Variants in ZSCAN5A observed in about 807,000 individuals in gnomAD.
ZSCAN5A encodes zinc finger and SCAN domain-containing protein 5A.
In ZSCAN5A, 12 loss-of-function variants were observed where a neutral mutation model predicts 23.7. The ratio of observed to expected loss-of-function variants is 0.51; its 90% CI spans 0.32 to 0.82. The LOEUF (loss-of-function observed/expected upper bound fraction) is 0.82, where lower values mean the gene tolerates loss of function less well. Ranked by LOEUF, ZSCAN5A falls within the 40% of genes least tolerant of loss-of-function variation. The pLI is 0.03. For missense variants in ZSCAN5A, 597 were observed against 617.9 expected (o/e 0.97, Z 0.36); for synonymous variants, 257 against 239.9 (o/e 1.07, Z -0.66).
At chr19:56,293,043 AC>A (rs1163617734) in intron 2 of ZSCAN5A, among the ~76,000 whole-genome samples, 1 of 151,816 alleles carries the variant, frequency 6.6e-6, no homozygotes, top group East Asian at 1.9e-4. Flanking sequence ...AGCCATCTAA[AC>A]CCCAGTTCTG....
chr19:56,222,612 G>T lies in ZSCAN5A; in HGVS notation c.718C>A (p.Pro240Thr), dbSNP rs950351225. The T allele has an allele frequency of 6.2e-7, 1 of 1,614,060 alleles. No homozygotes were observed. The highest frequency in any genetic ancestry group is 8.5e-7 in the Non-Finnish European group (1 of 1,180,052). Residue 240 changes from proline to threonine, a missense_variant, in exon 5 of 6, where the codon CCT becomes ACT. By Grantham distance (38) the Pro-to-Thr change is conservative (BLOSUM62 -1). Coordinates refer to ENST00000683990, the MANE Select transcript of ZSCAN5A (RefSeq NM_001322064.3). ...EENPGLTSPE[P>T]QLPKSPTDLV... ...TCACTGGGACTCTTTGGAAGCTGAG[G>T]CTCTGGGGATGTCAGTCCTGGGTTC...
chr19:56,289,051 A>G (rs2039335597), intron 2 of ZSCAN5A, among the ~76,000 whole-genome samples: 1 of 152,172 alleles, frequency 6.6e-6, no homozygotes, highest in Admixed American at 6.5e-5. Context: ...ATTCTGCCAA[A>G]GAATCTAAGC....
At chr19:56,320,522 G>C (rs2041364052) in intron 2 of ZSCAN5A, 5 of 424,786 alleles carry the variant, frequency 1.2e-5, no homozygotes, top group Non-Finnish European at 2.2e-5. Context: ...TGAGGCAGGA[G>C]AATCGCTTGA....
chr19:56,340,264 C>A (rs1600293364), intron 2 of ZSCAN5A, among the ~76,000 whole-genome samples: 2 of 152,084 alleles, frequency 1.3e-5, no homozygotes, highest in East Asian at 3.9e-4. Flanking sequence ...TGAAAGCCCC[C>A]CTATCATCTT....
At chr19:56,259,881 G>A (rs1384778222) in intron 2 of ZSCAN5A, among the ~76,000 whole-genome samples, 2 of 152,250 alleles carry the variant, frequency 1.3e-5, no homozygotes, top group African/African-American at 4.8e-5. Flanking sequence ...GGCTGAGGTG[G>A]AGGCTAGTTT....
chr19:56,223,826 G>A lies in ZSCAN5A; in HGVS notation c.393C>T (p.Val131=), dbSNP rs2033597749. 2 of 1,611,468 alleles carry A rather than the reference G, an allele frequency of 1.2e-6. No homozygotes were observed. Among genetic ancestry groups the A allele is most frequent in the Non-Finnish European group, 1.7e-6 (2 of 1,179,888 alleles). ...NNRRPKKWSV[V]TFHGKEYIVQ... ...CAATATATTCCTTTCCGTGGAAGGT[G>A]ACCACAGACTGTAGAGAGAAAAAAG... is the stretch of plus-strand genomic sequence containing the variant. Residue 131 remains valine, a synonymous_variant, in exon 4 of 6, where the codon GTC becomes GTT. Transcript: ENST00000683990.
At chr19:56,298,714 T>C (rs2040041582) in intron 2 of ZSCAN5A, among the ~76,000 whole-genome samples, 1 of 151,608 alleles carries the variant, frequency 6.6e-6, no homozygotes, top group Non-Finnish European at 1.5e-5. Context: ...TGTAATTAAA[T>C]AGCCTTACCA....
intron 2 of ZSCAN5A, among the ~76,000 whole-genome samples, chr19:56,349,704 CAAAAAAAAAAAAAA>C (rs3059533): frequency 6.5e-5 from 2 of 30,940 alleles, no homozygotes; most frequent in Non-Finnish European, 1.3e-4. Context: ...AACTCCGTCT[CAAAAAAAAAAAAAA>C]AAAAAAAAAA....
At chr19:56,322,619 C>T (rs1484477373) in intron 2 of ZSCAN5A, among the ~76,000 whole-genome samples, 1 of 152,216 alleles carries the variant, frequency 6.6e-6, no homozygotes, top group African/African-American at 2.4e-5. Context: ...ATCTATCTCT[C>T]GCCATCTTGA....
chr19:56,221,435 A>G lies in ZSCAN5A; in HGVS notation c.*140T>C. ...CAGTGGGGAGGACACATATTTACTCAAACATCCTGGCAATTCATATCTAGG... is the reference window on the plus strand; with the variant it reads ...CAGTGGGGAGGACACATATTTACTCGAACATCCTGGCAATTCATATCTAGG... On this transcript the variant is annotated 3_prime_UTR_variant, in exon 6 of 6. Transcript: ENST00000683990. The G allele has an allele frequency of 9.7e-7, 1 of 1,034,252 alleles. No homozygotes were observed. Among genetic ancestry groups the G allele is most frequent in the Admixed American group, 2.7e-5 (1 of 36,834 alleles). 64.1% of individuals were successfully genotyped at this position (1,034,252 alleles called of 1,614,324 possible).
Position 56,223,985 on chromosome 19 carries a change from TC to T in ZSCAN5A, c.385-152del, listed in dbSNP as rs749927391. The T allele has an allele frequency of 1.1e-3, 825 of 750,944 alleles. 1 individual carries two copies. The highest frequency in any genetic ancestry group is 1.5e-3 in the Non-Finnish European group (712 of 476,962). 46.5% of individuals were successfully genotyped at this position (750,944 alleles called of 1,614,324 possible). ...AGAGTCAGCTCTGTGGACACAGCAA[TC>T]CTGTCTGAATTTTTTCCTCTCTAGA... On this transcript the variant is annotated intron_variant, in intron 3 of 5. Transcript: ENST00000683990.
intron 2 of ZSCAN5A, among the ~76,000 whole-genome samples, chr19:56,237,800 C>T (rs1413209678): frequency 6.6e-6 from 1 of 151,898 alleles, no homozygotes; most frequent in Admixed American, 6.6e-5. Flanking sequence ...GCCTGTATTC[C>T]CAGCTGCTTG....
chr19:56,271,155 A>G (rs2037821004), intron 2 of ZSCAN5A, among the ~76,000 whole-genome samples: 1 of 152,232 alleles, frequency 6.6e-6, no homozygotes. Flanking sequence ...CGTAGGACTA[A>G]TCAGAGAAAT....
intron 2 of ZSCAN5A, among the ~76,000 whole-genome samples, chr19:56,354,107 T>C (rs2041686580): frequency 6.6e-6 from 1 of 152,066 alleles, no homozygotes; most frequent in African/African-American, 2.4e-5. Context: ...AGAGGGAAAG[T>C]AGTGTGGTGG....
intron 1 of ZSCAN5A, chr19:56,368,142 C>T (rs911802659): frequency 6.6e-6 from 1 of 152,390 alleles, no homozygotes; most frequent in African/African-American, 2.4e-5. Flanking sequence ...CGTACTCAGT[C>T]ACCAGCGGAA....
chr19:56,254,074 T>A (rs1177699663), intron 2 of ZSCAN5A, among the ~76,000 whole-genome samples: 1 of 151,662 alleles, frequency 6.6e-6, no homozygotes, highest in African/African-American at 2.4e-5. Flanking sequence ...TTTTTTTTTT[T>A]AAATAAGTCT....
Position 56,225,070 on chromosome 19 carries a change from A to C in ZSCAN5A, c.-24T>G. 6.4e-7 allele frequency: 1 copy of C among 1,553,296 alleles called. No homozygotes were observed. The highest frequency in any genetic ancestry group is 8.7e-7 in the Non-Finnish European group (1 of 1,151,100). On this transcript the variant is annotated 5_prime_UTR_variant, in exon 3 of 6. Transcript: ENST00000683990. Reference sequence around the variant, plus strand: ...ATATCTAGTGGAGAATTTTTTAATCAGTCTCTGAGAAAGCTCTTCCAGTAG... The same window carrying C: ...ATATCTAGTGGAGAATTTTTTAATCCGTCTCTGAGAAAGCTCTTCCAGTAG...
intron 2 of ZSCAN5A, among the ~76,000 whole-genome samples, chr19:56,324,532 T>G (rs533763626): frequency 6.6e-6 from 1 of 151,914 alleles, no homozygotes; most frequent in East Asian, 1.9e-4. Flanking sequence ...CGTACAATGT[T>G]GGTGGGAAAG....
intron 2 of ZSCAN5A, among the ~76,000 whole-genome samples, chr19:56,328,301 A>T (rs559556161): frequency 6.6e-6 from 1 of 152,332 alleles, no homozygotes; most frequent in South Asian, 2.1e-4. Flanking sequence ...TTCCTGTTTT[A>T]AAAATTTTAC....
Sources: gnomAD v4.1 joint callset for allele counts (sites outside exome capture counted in the v4.1 genomes callset) on GRCh38, gnomAD v4.1.1 for gene constraint, MANE v1.5 for transcripts, NCBI Gene and HGNC (gene_info 2026-07-23, HGNC 2026-07-21) for gene names.